The following ATXN1 variants were observed in gnomAD, a reference collection of about 807,000 sequenced individuals.
ATXN1 encodes ataxin 1, also known as ataxin-1.
Under a neutral mutation model 56.4 loss-of-function variants are expected in ATXN1, and 8 were observed. That is an observed-to-expected ratio of 0.14 (90% CI 0.08 to 0.26). ATXN1 has a LOEUF of 0.26. Among genes scored for constraint, ATXN1 ranks in the 10% least tolerant of loss-of-function variants. ATXN1 has a pLI of 1.00. For missense variants in ATXN1, 987 were observed against 1,106.5 expected, an observed-to-expected ratio of 0.89 and a Z score of 1.53; for synonymous variants, 514 against 494.6, an observed-to-expected ratio of 1.04 and a Z score of -0.52.
intron 6 of ATXN1, among the ~76,000 whole-genome samples, chr6:16,364,739 T>A (rs1761880537): frequency 6.6e-6 from 1 of 152,226 alleles, no homozygotes; most frequent in Non-Finnish European, 1.5e-5. Flanking sequence ...GTGATGCTAT[T>A]CATGAATGTC....
At chr6:16,370,466 T>G (rs897148817) in intron 6 of ATXN1, among the ~76,000 whole-genome samples, 3 of 152,222 alleles carry the variant, frequency 2.0e-5, no homozygotes, top group Non-Finnish European at 4.4e-5. Flanking sequence ...AAATAAAAAC[T>G]TGTGTTTAGG....
chr6:16,627,367 A>C (rs1763424670), intron 3 of ATXN1, among the ~76,000 whole-genome samples: 1 of 152,192 alleles, frequency 6.6e-6, no homozygotes, highest in African/African-American at 2.4e-5. Flanking sequence ...CACTGGCAGT[A>C]GGCCTCCCAA....
chr6:16,614,691 A>G (rs60425642), intron 3 of ATXN1, among the ~76,000 whole-genome samples: 7,674 of 151,572 alleles, frequency 0.051, 769 homozygotes, highest in African/African-American at 0.17. Context: ...GGGAGGCTGA[A>G]GCGGGTGGAT....
intron 5 of ATXN1, among the ~76,000 whole-genome samples, chr6:16,515,152 C>G (rs9370898): frequency 0.12 from 17,582 of 152,014 alleles, 1,416 homozygotes; most frequent in East Asian, 0.37. Flanking sequence ...GTAGTGTCCT[C>G]CACATCGGTC....
chr6:16,395,803 G>A (rs1287118067), intron 6 of ATXN1, among the ~76,000 whole-genome samples: 1 of 151,974 alleles, frequency 6.6e-6, no homozygotes. Context: ...AGATCACGAG[G>A]TCAGGAGATC....
chr6:16,726,869 A>G (rs1759862310), intron 2 of ATXN1, among the ~76,000 whole-genome samples: 1 of 152,178 alleles, frequency 6.6e-6, no homozygotes, highest in Non-Finnish European at 1.5e-5. Flanking sequence ...AAAAAAAAAC[A>G]AAGAATAATT....
intron 4 of ATXN1, among the ~76,000 whole-genome samples, chr6:16,537,771 A>G (rs934393996): frequency 6.6e-6 from 1 of 151,924 alleles, no homozygotes; most frequent in African/African-American, 2.4e-5. Context: ...AAATACAACC[A>G]TGATACAGGC....
At chr6:16,628,343 T>A (rs563602225) in intron 3 of ATXN1, among the ~76,000 whole-genome samples, 1 of 152,320 alleles carries the variant, frequency 6.6e-6, no homozygotes, top group Admixed American at 6.5e-5. Flanking sequence ...CTCATCAAAA[T>A]CCCCGTTTCT....
chr6:16,761,063 CAT>C (rs750086876), intron 1 of ATXN1: 4 of 297,348 alleles, frequency 1.3e-5, no homozygotes, highest in Non-Finnish European at 2.6e-5. Flanking sequence ...TATGTACACA[CAT>C]ACACACACAC....
At chr6:16,542,320 A>G (rs1761730767) in intron 4 of ATXN1, among the ~76,000 whole-genome samples, 1 of 152,172 alleles carries the variant, frequency 6.6e-6, no homozygotes, top group South Asian at 2.1e-4. Flanking sequence ...TCCTTAATAT[A>G]AATCTAAATT....
chr6:16,628,375 T>C (rs1412303546), intron 3 of ATXN1, among the ~76,000 whole-genome samples: 1 of 152,230 alleles, frequency 6.6e-6, no homozygotes, highest in Non-Finnish European at 1.5e-5. Flanking sequence ...TCTAGTGAGT[T>C]ACTTTTACTG....
chr6:16,446,531 G>A (rs1162304401), intron 6 of ATXN1, among the ~76,000 whole-genome samples: 1 of 152,200 alleles, frequency 6.6e-6, no homozygotes, highest in Non-Finnish European at 1.5e-5. Flanking sequence ...CAGAATTCCT[G>A]GGAGTGAAGC....
At chr6:16,717,668 C>A (rs1166144256) in intron 2 of ATXN1, among the ~76,000 whole-genome samples, 1 of 152,178 alleles carries the variant, frequency 6.6e-6, no homozygotes, top group African/African-American at 2.4e-5. Flanking sequence ...AACATTCTGG[C>A]ATAACGATCT....
intron 2 of ATXN1, among the ~76,000 whole-genome samples, chr6:16,703,159 T>G (rs532487127): frequency 1.4e-4 from 22 of 152,128 alleles, no homozygotes; most frequent in African/African-American, 5.3e-4. Context: ...CCATAAAAAA[T>G]GATGAGTTCA....
chr6:16,518,231 C>G (rs1761222837), intron 5 of ATXN1, among the ~76,000 whole-genome samples: 1 of 152,208 alleles, frequency 6.6e-6, no homozygotes, highest in Non-Finnish European at 1.5e-5. Flanking sequence ...CCCACCCCAG[C>G]TTTCTATGGG....
chr6:16,345,302 T>TGTTA (rs1477041325), intron 6 of ATXN1, among the ~76,000 whole-genome samples: 2 of 152,216 alleles, frequency 1.3e-5, no homozygotes, highest in Non-Finnish European at 1.5e-5. Flanking sequence ...TTGTGTGAGA[T>TGTTA]GTTAAAGACA....
At chr6:16,531,994 T>C (rs1581826079) in intron 4 of ATXN1, among the ~76,000 whole-genome samples, 2 of 152,340 alleles carry the variant, frequency 1.3e-5, no homozygotes, top group South Asian at 4.1e-4. Context: ...GCAAATGCTT[T>C]AGGCTGTGTG....
chr6:16,334,017 C>CA (rs1761054533), intron 6 of ATXN1, among the ~76,000 whole-genome samples: 1 of 152,184 alleles, frequency 6.6e-6, no homozygotes, highest in Admixed American at 6.5e-5. Context: ...ATTCATCAAA[C>CA]ACTCATTCCG....
At chr6:16,572,076 C>T (rs1298618515) in intron 4 of ATXN1, among the ~76,000 whole-genome samples, 1 of 152,158 alleles carries the variant, frequency 6.6e-6, no homozygotes, top group African/African-American at 2.4e-5. Context: ...TTCTCAGCAT[C>T]ATAAAGGTAT....
Sources: allele counts gnomAD v4.1 joint callset (sites outside exome capture counted in the v4.1 genomes callset), GRCh38; gene constraint gnomAD v4.1.1; transcripts MANE v1.5; gene names NCBI Gene and HGNC (gene_info 2026-07-23, HGNC 2026-07-21).